TMEM244: variants seen among roughly 807,000 people sequenced by gnomAD.
TMEM244 encodes putative transmembrane protein 244.
In TMEM244, 13 loss-of-function variants were observed where a neutral mutation model predicts 15.8. The observed-to-expected ratio is 0.82, with a 90% CI of 0.53 to 1.30. The LOEUF is 1.30. TMEM244 is among the 50% of genes most tolerant of loss of function. TMEM244 has a pLI of 0.00. For synonymous variants in TMEM244, 45 were observed against 48.7 expected, an observed-to-expected ratio of 0.92 and a Z score of 0.32; for missense variants, 161 against 144.9, an observed-to-expected ratio of 1.11 and a Z score of -0.57.
At chr6:129,857,317 TACACAC>T (rs139849085) in intron 1 of TMEM244, among the ~76,000 whole-genome samples, 5 of 148,638 alleles carry the variant, frequency 3.4e-5, no homozygotes, top group East Asian at 3.9e-4. Flanking sequence ...TATGTGTGTA[TACACAC>T]ACACACACAC....
intron 1 of TMEM244, among the ~76,000 whole-genome samples, chr6:129,855,943 A>G (rs1005988975): frequency 6.6e-6 from 1 of 152,142 alleles, no homozygotes; most frequent in Non-Finnish European, 1.5e-5. Context: ...TCTCATCTGA[A>G]TCAATTATTT....
intron 3 of TMEM244, among the ~76,000 whole-genome samples, chr6:129,841,447 C>T (rs1776490092): frequency 6.6e-6 from 1 of 151,916 alleles, no homozygotes; most frequent in East Asian, 1.9e-4. Context: ...GGGTGGATAG[C>T]ATTAGGAGAA....
chr6:129,843,223 C>T (rs757212955), intron 3 of TMEM244, among the ~76,000 whole-genome samples: 22 of 152,058 alleles, frequency 1.4e-4, no homozygotes, highest in Non-Finnish European at 2.6e-4. Context: ...TACATCAGCA[C>T]ATTAAGTCAT....
intron 3 of TMEM244, among the ~76,000 whole-genome samples, chr6:129,842,035 T>C (rs560720049): frequency 2.0e-5 from 3 of 152,338 alleles, no homozygotes; most frequent in East Asian, 3.9e-4. Flanking sequence ...TTGTGTTTCA[T>C]GAGAGGAAAG....
chr6:129,847,136 C>G (rs1045004311), intron 1 of TMEM244, among the ~76,000 whole-genome samples: 3 of 151,882 alleles, frequency 2.0e-5, no homozygotes, highest in Admixed American at 1.3e-4. Context: ...GAAAAATGGA[C>G]AAAGTATGTA....
intron 2 of TMEM244, 51 bp downstream of exon 2, chr6:129,845,715 TC>T: frequency 7.8e-7 from 1 of 1,283,452 alleles, no homozygotes; most frequent in Admixed American, 1.8e-5. Flanking sequence ...TAAACATCTT[TC>T]CTATTCAATG....
chr6:129,856,656 T>C (rs1776714467), intron 1 of TMEM244, among the ~76,000 whole-genome samples: 1 of 152,130 alleles, frequency 6.6e-6, no homozygotes, highest in Non-Finnish European at 1.5e-5. Flanking sequence ...TATTCCTCAA[T>C]AAAGCTGCTT....
chr6:129,860,104 CGTGTGT>C (rs757397083), intron 1 of TMEM244, among the ~76,000 whole-genome samples: 14,390 of 140,576 alleles, frequency 0.1, 793 homozygotes, highest in Non-Finnish European at 0.12. Flanking sequence ...CTCTGCAATG[CGTGTGT>C]GTGTGTGTGT....
At chr6:129,860,819 A>T (rs1222703507) in intron 1 of TMEM244, among the ~76,000 whole-genome samples, 1 of 152,110 alleles carries the variant, frequency 6.6e-6, no homozygotes, top group Non-Finnish European at 1.5e-5. Context: ...CCTGCAAAAA[A>T]AAAAAAGAAA....
At chr6:129,843,910 G>A (rs1266515858) in intron 2 of TMEM244, among the ~76,000 whole-genome samples, 6 of 152,278 alleles carry the variant, frequency 3.9e-5, no homozygotes, top group African/African-American at 1.4e-4. Flanking sequence ...ACAAGGCAAC[G>A]TCTAGTTACG....
intron 1 of TMEM244, among the ~76,000 whole-genome samples, chr6:129,850,493 A>T (rs552403554): frequency 6.6e-6 from 1 of 152,330 alleles, no homozygotes; most frequent in African/African-American, 2.4e-5. Flanking sequence ...TGTTGACTCT[A>T]TCTCCCAATT....
At chr6:129,852,266 T>A (rs1776645515) in intron 1 of TMEM244, among the ~76,000 whole-genome samples, 1 of 152,196 alleles carries the variant, frequency 6.6e-6, no homozygotes, top group South Asian at 2.1e-4. Flanking sequence ...GTGAGCATCT[T>A]CACAAACTTT....
At chr6:129,833,113 T>C (rs1776353594) in intron 4 of TMEM244, among the ~76,000 whole-genome samples, 1 of 152,192 alleles carries the variant, frequency 6.6e-6, no homozygotes. Flanking sequence ...ATACCAATGT[T>C]AATTTATTAG....
At chr6:129,843,359 A>G (rs1776516812) in intron 3 of TMEM244, among the ~76,000 whole-genome samples, 171 bp downstream of exon 3, 1 of 152,146 alleles carries the variant, frequency 6.6e-6, no homozygotes, top group Non-Finnish European at 1.5e-5. Flanking sequence ...GCATGGAATA[A>G]CAACTTTAAA....
intron 2 of TMEM244, among the ~76,000 whole-genome samples, chr6:129,843,974 T>C (rs1033898121): frequency 2.6e-5 from 4 of 152,176 alleles, no homozygotes; most frequent in African/African-American, 9.6e-5. Flanking sequence ...GTAAAACAGG[T>C]TCACCTAAAT....
chr6:129,849,153 TAC>T (rs2114642358), intron 1 of TMEM244, among the ~76,000 whole-genome samples: 1 of 152,148 alleles, frequency 6.6e-6, no homozygotes, highest in East Asian at 1.9e-4. Flanking sequence ...TACATAGAGA[TAC>T]ACTTACTTTT....
intron 3 of TMEM244, among the ~76,000 whole-genome samples, chr6:129,840,271 C>T (rs1242776507): frequency 6.6e-6 from 1 of 152,094 alleles, no homozygotes; most frequent in African/African-American, 2.4e-5. Flanking sequence ...TCAAGAATAA[C>T]ACCACACATC....
At chr6:129,859,541 AC>A (rs1216534427) in intron 1 of TMEM244, among the ~76,000 whole-genome samples, 1 of 152,226 alleles carries the variant, frequency 6.6e-6, no homozygotes, top group Non-Finnish European at 1.5e-5. Context: ...CATTTGTTTT[AC>A]AGAGGAAAGT....
intron 3 of TMEM244, 70 bp downstream of exon 3, chr6:129,843,460 A>T: frequency 9.1e-7 from 1 of 1,103,908 alleles, no homozygotes; most frequent in Non-Finnish European, 1.3e-6. Context: ...AAATTTTTTT[A>T]TTAAAAAATT....
Sources: gnomAD v4.1 joint callset for allele counts (sites outside exome capture counted in the v4.1 genomes callset) on GRCh38, gnomAD v4.1.1 for gene constraint, MANE v1.5 for transcripts, NCBI Gene and HGNC (gene_info 2026-07-23, HGNC 2026-07-21) for gene names.